The following RIC1 variants were observed in gnomAD, a reference collection of about 807,000 sequenced individuals.
The protein encoded by RIC1 is guanine nucleotide exchange factor subunit RIC1.
In RIC1, 88 loss-of-function variants were observed where a neutral mutation model predicts 169.0. That is an observed-to-expected ratio of 0.52 (90% CI 0.44 to 0.62). The LOEUF (loss-of-function observed/expected upper bound fraction) is 0.62. RIC1 is among the 20% of genes least tolerant of loss of function. The pLI is 0.00. For missense variants in RIC1, 1,877 were observed against 1,725.5 expected (o/e 1.09, Z -1.56); for synonymous variants, 790 against 601.5 (o/e 1.31, Z -4.59).
intron 6 of RIC1, among the ~76,000 whole-genome samples, chr9:5,725,537 T>G (rs1418927094): frequency 6.6e-6 from 1 of 152,104 alleles, no homozygotes; most frequent in African/African-American, 2.4e-5. Context: ...TTTTTGATGG[T>G]TTTTTTATGT....
intron 1 of RIC1, among the ~76,000 whole-genome samples, chr9:5,651,145 G>C (rs779951300): frequency 1.3e-5 from 2 of 152,142 alleles, no homozygotes; most frequent in Non-Finnish European, 2.9e-5. Flanking sequence ...AGGGTTGCAG[G>C]AGTCCGTGGT....
chr9:5,747,528 C>A (rs751559455), intron 12 of RIC1, 23 bp downstream of exon 12: 2 of 1,574,288 alleles, frequency 1.3e-6, no homozygotes, highest in Non-Finnish European at 1.7e-6. Context: ...TTACTGATTA[C>A]TAGAGACTTA....
rs770868925 is a variant in RIC1, at chr9:5,774,092, G to A, written c.4118G>A (p.Arg1373Gln). The A allele has an allele frequency of 2.4e-5, 39 of 1,613,878 alleles. No individual in the cohort carries two copies. The highest frequency in any genetic ancestry group is 1.2e-4 in the South Asian group (11 of 91,078). Residue 1373 changes from arginine to glutamine, a missense_variant, in exon 26 of 26, where the codon CGG becomes CAG. By Grantham distance (43) the Arg-to-Gln change is conservative. Coordinates refer to ENST00000414202, the MANE Select transcript of RIC1 (RefSeq NM_020829.4). ...AAGACTCCAGAACAGACTAGCCCCC[G>A]GGCAGAGGAGAGCAGGGGCTCCTCC... ...MGKTPEQTSP[R>Q]AEESRGSSSH... is the part of the protein sequence containing the mutation.
chr9:5,629,160 C>T lies in RIC1; in HGVS notation c.-150C>T, dbSNP rs1005805170. ...CTTCGTCGCGCAGCCTTGCGTCGGC[C>T]CGGCCCGGCCAGGCCAGCGGGCAGA... On this transcript the variant is annotated 5_prime_UTR_variant, in exon 1 of 26. Coordinates refer to ENST00000414202, the MANE Select transcript of RIC1 (RefSeq NM_020829.4). The T allele has an allele frequency of 5.6e-6, 4 of 714,842 alleles. No individual in the cohort carries two copies. Among genetic ancestry groups the T allele is most frequent in the African/African-American group, 1.9e-5 (1 of 53,356 alleles). The allele number at this position is 714,842 out of a possible 1,614,324, so 44.3% of individuals were successfully genotyped here. A position where few individuals can be genotyped will look rare whatever the true frequency, so the allele number is the denominator to read the frequency against.
intron 12 of RIC1, among the ~76,000 whole-genome samples, chr9:5,752,445 T>G (rs1347819750): frequency 2.8e-5 from 4 of 143,600 alleles, no homozygotes; most frequent in Admixed American, 1.4e-4. Context: ...TTTTTTTTTG[T>G]TTTTTTTTTT....
intron 2 of RIC1, among the ~76,000 whole-genome samples, chr9:5,672,123 C>T (rs964790455): frequency 3.3e-5 from 5 of 152,160 alleles, no homozygotes; most frequent in Admixed American, 2.0e-4. Context: ...AGCCTCAGCT[C>T]AGCAGTATGT....
chr9:5,764,535 A>C (rs902364519), intron 19 of RIC1, among the ~76,000 whole-genome samples: 1 of 152,214 alleles, frequency 6.6e-6, no homozygotes, highest in African/African-American at 2.4e-5. Flanking sequence ...AGTTACTGCA[A>C]AGTTGTTTCC....
chr9:5,641,982 G>C (rs1381983156), intron 1 of RIC1, among the ~76,000 whole-genome samples: 1 of 143,954 alleles, frequency 6.9e-6, no homozygotes. Context: ...TTTGATGCTT[G>C]TAGATGTTCA....
intron 6 of RIC1, among the ~76,000 whole-genome samples, chr9:5,730,654 G>A (rs1348388667): frequency 6.6e-6 from 1 of 152,092 alleles, no homozygotes; most frequent in East Asian, 1.9e-4. Flanking sequence ...GCACTATTGG[G>A]AGACTTTTGG....
chr9:5,768,646 A>T (rs984953839), intron 21 of RIC1, among the ~76,000 whole-genome samples: 5 of 151,796 alleles, frequency 3.3e-5, no homozygotes, highest in African/African-American at 1.2e-4. Context: ...CCCTCTTTTC[A>T]TTGGGCTTTT....
rs1043654002 is a variant in RIC1, at chr9:5,722,219, T to C, written c.720+1469T>C. 4.0e-5 allele frequency among the ~76,000 whole-genome samples: 6 copies of C among 151,572 alleles called. No individual in the cohort carries two copies. In the East Asian group the frequency reaches 7.7e-4, roughly 19 times the overall value. Reference sequence around the variant, plus strand: ...ATCTTCTTCTTCTTTTTTTTTTTTTTTCCACAGTACCACAAAACAATTTAA... The same window carrying C: ...ATCTTCTTCTTCTTTTTTTTTTTTTCTCCACAGTACCACAAAACAATTTAA... On this transcript the variant is annotated intron_variant, in intron 6 of 25. Transcript: ENST00000414202.
chr9:5,633,791 G>A (rs1245372159), intron 1 of RIC1, among the ~76,000 whole-genome samples: 1 of 151,970 alleles, frequency 6.6e-6, no homozygotes, highest in Admixed American at 6.6e-5. Context: ...TGTTAATTAT[G>A]GAAATAAATG....
At chr9:5,685,091 G>T (rs1432333416) in intron 2 of RIC1, among the ~76,000 whole-genome samples, 1 of 151,788 alleles carries the variant, frequency 6.6e-6, no homozygotes, top group South Asian at 2.1e-4. Context: ...AATGAGGGAA[G>T]GAGAACTACA....
intron 2 of RIC1, among the ~76,000 whole-genome samples, chr9:5,667,317 G>A (rs756232474): frequency 3.3e-5 from 5 of 152,016 alleles, no homozygotes; most frequent in African/African-American, 7.2e-5. Context: ...GCAAGACTCC[G>A]TATCAGGAAA....
At chr9:5,647,970 GGTGA>G (rs1818610215) in intron 1 of RIC1, among the ~76,000 whole-genome samples, 1 of 117,150 alleles carries the variant, frequency 8.5e-6, no homozygotes, top group Non-Finnish European at 1.7e-5. Flanking sequence ...TGGTGGTGGT[GGTGA>G]TGGTGGTGGT....
chr9:5,762,587 T>C lies in RIC1; in HGVS notation c.2039T>C (p.Ile680Thr). The C allele has an allele frequency of 4.3e-6, 7 of 1,613,996 alleles. No individual in the cohort carries two copies. Among genetic ancestry groups the C allele is most frequent in the Non-Finnish European group, 5.9e-6 (7 of 1,179,922 alleles). Residue 680 changes from isoleucine to threonine, a missense_variant, in exon 18 of 26, where the codon ATC becomes ACC. Ile to Thr is a moderately conservative substitution (Grantham distance 89). Around this residue, in one of 3 missense-constraint regions of RIC1, gnomAD observed 1,104 missense variants for 992.0 expected, o/e 1.11. Transcript: ENST00000414202. ...ATGTTAAACCTGGCAGGACAGCTCATCATGATGCAGAGGGACAGGTCAGGC... is the reference window on the plus strand; with the variant it reads ...ATGTTAAACCTGGCAGGACAGCTCACCATGATGCAGAGGGACAGGTCAGGC... Reference protein sequence around the residue: ...SIMLNLAGQLIMMQRDRSGPQ... With the variant: ...SIMLNLAGQLTMMQRDRSGPQ...
At chr9:5,636,453 G>A (rs1018392265) in intron 1 of RIC1, among the ~76,000 whole-genome samples, 2 of 151,994 alleles carry the variant, frequency 1.3e-5, no homozygotes, top group Non-Finnish European at 2.9e-5. Context: ...CTGAGTAGCT[G>A]GGATTACAGG....
At chr9:5,764,121 A>C (rs996169199) in intron 19 of RIC1, among the ~76,000 whole-genome samples, 1 of 152,228 alleles carries the variant, frequency 6.6e-6, no homozygotes, top group African/African-American at 2.4e-5. Context: ...TTGAAATTTT[A>C]ATATATTGAA....
chr9:5,707,663 TTTTG>T (rs542567575), intron 3 of RIC1, among the ~76,000 whole-genome samples: 2,962 of 152,158 alleles, frequency 0.019, 37 homozygotes, highest in Non-Finnish European at 0.025. Flanking sequence ...TCTTTTGTTT[TTTTG>T]TTTGTTTGTT....
Sources: allele counts gnomAD v4.1 joint callset (sites outside exome capture counted in the v4.1 genomes callset), GRCh38; gene constraint gnomAD v4.1.1; regional missense constraint gnomAD v4.1.1; transcripts MANE v1.5; gene names NCBI Gene and HGNC (gene_info 2026-07-23, HGNC 2026-07-21).